GIT2: variants seen among roughly 807,000 people sequenced by gnomAD.
GIT2 encodes ARF GTPase-activating protein GIT2.
Under a neutral mutation model 100.3 loss-of-function variants are expected in GIT2, and 32 were observed. The ratio of observed to expected loss-of-function variants is 0.32; its 90% CI spans 0.24 to 0.43. GIT2 has a LOEUF of 0.43. Ranked by LOEUF, GIT2 falls within the 20% of genes least tolerant of loss-of-function variation. The probability of loss-of-function intolerance (pLI) is 1.00; values close to 1 mark genes in which losing one functional copy is unlikely to be tolerated. For synonymous variants in GIT2, 353 were observed against 364.1 expected (o/e 0.97, Z 0.35); for missense variants, 737 against 975.1 (o/e 0.76, Z 3.25).
At position 109,932,931 on chromosome 12, in the gene GIT2, G is replaced by A; in HGVS notation, c.*47C>T. ...GAGTTCTGCGTCTGAATTTGAAATT[G>A]GACTTTATAAAGCCTAGAAAACAGA... On this transcript the variant is annotated 3_prime_UTR_variant, in exon 20 of 20. Transcript: ENST00000355312. 9.6e-7 allele frequency: 1 copy of A among 1,042,464 alleles called. No individual in the cohort carries two copies. Among genetic ancestry groups the A allele is most frequent in the Non-Finnish European group, 1.5e-6 (1 of 662,228 alleles). 64.6% of individuals were successfully genotyped at this position (1,042,464 alleles called of 1,614,324 possible).
At chr12:109,989,866 T>C in intron 2 of GIT2, 64 bp from the exon 3 acceptor site, 1 of 840,900 alleles carries the variant, frequency 1.2e-6, no homozygotes, top group African/African-American at 1.7e-5. Context: ...TGGGGATCAG[T>C]GACTGAACAG....
chr12:109,939,091 T>C, intron 17 of GIT2, 74 bp downstream of exon 17: 1 of 831,478 alleles, frequency 1.2e-6, no homozygotes, highest in Non-Finnish European at 2.1e-6. Context: ...GTGAACTGCT[T>C]CTGCTGGCCC....
chr12:109,992,564 T>C (rs1888622132), intron 1 of GIT2, among the ~76,000 whole-genome samples: 1 of 152,238 alleles, frequency 6.6e-6, no homozygotes. Flanking sequence ...AGCAGAAAGC[T>C]GCGAGTTACA....
intron 18 of GIT2, among the ~76,000 whole-genome samples, chr12:109,935,319 A>G (rs1444216914): frequency 6.6e-6 from 1 of 152,238 alleles, no homozygotes; most frequent in Non-Finnish European, 1.5e-5. Context: ...CAATGTCCAC[A>G]GCCGTCACAT....
intron 17 of GIT2, 148 bp downstream of exon 17, chr12:109,939,017 C>T (rs554382514): frequency 1.5e-4 from 96 of 635,346 alleles, no homozygotes; most frequent in Non-Finnish European, 2.5e-4. Flanking sequence ...ATGTAAACTA[C>T]GAGCGTATGC....
Position 109,983,374 on chromosome 12 carries a change from T to C in GIT2, c.622A>G (p.Arg208Gly). 6.2e-7 allele frequency: 1 copy of C among 1,613,036 alleles called. No individual in the cohort carries two copies. Among genetic ancestry groups the C allele is most frequent in the Non-Finnish European group, 8.5e-7 (1 of 1,179,660 alleles). ...GTAGCGAGAATCTAGGTCTCTTACCTTGCATAATCAACGGGAGTTTTCCCA... is the reference window on the plus strand; with the variant it reads ...GTAGCGAGAATCTAGGTCTCTTACCCTGCATAATCAACGGGAGTTTTCCCA... ...SSGKTPVDYA[R>G]QGGHHELAER... The change falls in exon 6 of 20, where the codon AGG becomes GGG. Residue 208 changes from arginine (R) to glycine (G), a missense_variant and splice_region_variant. Transcript: ENST00000355312.
chr12:109,949,202 C>A (rs1329551405), intron 14 of GIT2, among the ~76,000 whole-genome samples: 1 of 152,224 alleles, frequency 6.6e-6, no homozygotes, highest in Non-Finnish European at 1.5e-5. Context: ...AGGATACAGA[C>A]AGGCATGAAG....
chr12:109,998,755 A>C (rs1432499839), upstream of GIT2: 3 of 152,118 alleles, frequency 2.0e-5, no homozygotes, highest in Non-Finnish European at 4.4e-5. Flanking sequence ...GCGGTTCTCA[A>C]CTGAGGACGA....
intron 13 of GIT2, chr12:109,952,623 A>G (rs902405001): frequency 2.5e-5 from 13 of 519,488 alleles, no homozygotes; most frequent in Non-Finnish European, 3.8e-6. Context: ...ACATGCCCCA[A>G]TCCCAAGCGT....
chr12:109,979,628 G>T (rs1384090576), intron 7 of GIT2, among the ~76,000 whole-genome samples: 5 of 152,140 alleles, frequency 3.3e-5, no homozygotes, highest in Non-Finnish European at 1.5e-5. Flanking sequence ...TGTCATTGAA[G>T]TCCTATCAGA....
chr12:109,999,290 CT>C (rs1566040544), upstream of GIT2: 1 of 152,612 alleles, frequency 6.6e-6, no homozygotes, highest in African/African-American at 2.4e-5. This position sits in a 1 kb window ranked among gnomAD's most constrained non-coding sequence, Gnocchi z 4.3. Context: ...GTTCTGTGGG[CT>C]GCACTGAGTT....
intron 7 of GIT2, among the ~76,000 whole-genome samples, chr12:109,978,255 G>T (rs374952524): frequency 2.0e-5 from 3 of 151,572 alleles, no homozygotes; most frequent in African/African-American, 7.3e-5. Context: ...GCTACTTTTT[G>T]TATCTTTAGT....
intron 1 of GIT2, among the ~76,000 whole-genome samples, chr12:109,993,506 C>T (rs1407031648): frequency 6.6e-6 from 1 of 152,152 alleles, no homozygotes; most frequent in Non-Finnish European, 1.5e-5. Context: ...AGGGTTTGAA[C>T]CCCAACTCTG....
At chr12:109,997,707 A>G (rs1026378699), upstream of GIT2, 1 of 152,208 alleles carries the variant, frequency 6.6e-6, no homozygotes, top group African/African-American at 2.4e-5. Context: ...CACCTGCTGG[A>G]TAGTAACCCC....
intron 7 of GIT2, among the ~76,000 whole-genome samples, chr12:109,978,075 GGTTTT>G (rs967600391): frequency 7.1e-6 from 1 of 141,418 alleles, no homozygotes. Flanking sequence ...CAAATTTAGA[GGTTTT>G]TTTTTTTTTT....
chr12:109,965,975 G>A (rs1882244240), intron 8 of GIT2, among the ~76,000 whole-genome samples: 1 of 150,938 alleles, frequency 6.6e-6, no homozygotes, highest in East Asian at 2.0e-4. Flanking sequence ...CGAGGTGGGA[G>A]GATCACAAGG....
intron 4 of GIT2, among the ~76,000 whole-genome samples, chr12:109,987,658 G>A (rs56786970): frequency 0.11 from 16,814 of 151,852 alleles, 2,087 homozygotes; most frequent in African/African-American, 0.31. Context: ...TGTAGAGACG[G>A]GGTTTCGCCA....
At chr12:109,966,529 A>AT (rs1297494510) in intron 8 of GIT2, among the ~76,000 whole-genome samples, 2 of 148,632 alleles carry the variant, frequency 1.3e-5, no homozygotes, top group Non-Finnish European at 3.0e-5. Flanking sequence ...AAAAAAAAAA[A>AT]GAAAGAAAAG....
rs1876634507 is a variant in GIT2, at chr12:109,947,376, G to C, written c.1521C>G (p.Ala507=). The change falls in exon 15 of 20, where the codon GCC becomes GCG. Residue 507 remains alanine (A), a synonymous_variant. Transcript: ENST00000355312. The surrounding 1 kb of genome is among the most constrained non-coding windows in gnomAD (Gnocchi z 4.3). ...NHSSLKRRPS[A]RGSRPMSMYE... ...ACATGGACATGGGCCTACTGCCCCG[G>C]GCAGACGGACGTCTCTTTAAGGAAG... The C allele has an allele frequency of 6.2e-7, 1 of 1,614,124 alleles. No individual in the cohort carries two copies. Among genetic ancestry groups the C allele is most frequent in the East Asian group, 2.2e-5 (1 of 44,888 alleles).
Sources: gnomAD v4.1 joint callset for allele counts (sites outside exome capture counted in the v4.1 genomes callset) on GRCh38, gnomAD v4.1.1 for gene constraint, Gnocchi (gnomAD v3.1) non-coding constraint, MANE v1.5 for transcripts, NCBI Gene and HGNC (gene_info 2026-07-23, HGNC 2026-07-21) for gene names.